Variants in PIP5K1C observed in about 807,000 individuals in gnomAD.
PIP5K1C encodes phosphatidylinositol-4-phosphate 5-kinase type 1 gamma, also known as phosphatidylinositol 4-phosphate 5-kinase type-1 gamma.
PIP5K1C carries 45 observed loss-of-function variants against 80.1 expected under a neutral mutation model. The ratio of observed to expected loss-of-function variants is 0.56; its 90% CI spans 0.44 to 0.72. PIP5K1C has a LOEUF of 0.72. PIP5K1C is among the 30% of genes least tolerant of loss of function. The pLI, the probability that PIP5K1C is intolerant of heterozygous loss-of-function variation, is 0.00. For synonymous variants in PIP5K1C, 498 were observed against 420.1 expected (o/e 1.19, Z -2.27); for missense variants, 753 against 954.6 (o/e 0.79, Z 2.78).
chr19:3,669,546 G>A (rs1457459870), intron 1 of PIP5K1C: 1 of 152,280 alleles, frequency 6.6e-6, no homozygotes, highest in Non-Finnish European at 1.5e-5. Flanking sequence ...TCTGGACCAA[G>A]GCCTTACAAA....
Position 3,671,144 on chromosome 19 carries a change from C to T in PIP5K1C, c.95-3791G>A, listed in dbSNP as rs865832611. ...TCGGGGGCCCGGGCGTCCCCCTGCTCGGCCTGTCTGGGGCCTCCCTGCCCA... is the reference window on the plus strand; with the variant it reads ...TCGGGGGCCCGGGCGTCCCCCTGCTTGGCCTGTCTGGGGCCTCCCTGCCCA... On this transcript the variant is annotated intron_variant, in intron 1 of 17. Coordinates refer to ENST00000335312, the MANE Select transcript of PIP5K1C (RefSeq NM_012398.3). 1.8e-3 allele frequency among the ~76,000 whole-genome samples: 267 copies of T among 152,332 alleles called. 1 individual carries two copies. Among genetic ancestry groups the T allele is most frequent in the African/African-American group, 6.2e-3 (257 of 41,566 alleles).
intron 8 of PIP5K1C, among the ~76,000 whole-genome samples, chr19:3,651,493 C>T (rs561325703): frequency 2.0e-5 from 3 of 152,204 alleles, no homozygotes; most frequent in Non-Finnish European, 4.4e-5. Context: ...CCTCTCTGCA[C>T]GGGTGGCGTG....
At chr19:3,675,266 G>A (rs566532271) in intron 1 of PIP5K1C, among the ~76,000 whole-genome samples, 1 of 152,332 alleles carries the variant, frequency 6.6e-6, no homozygotes, top group South Asian at 2.1e-4. Flanking sequence ...TCCCAGAAAA[G>A]CAAAATGAAG....
intron 16 of PIP5K1C, 23 bp downstream of exon 16, chr19:3,638,861 C>T (rs1162124831): frequency 1.9e-6 from 3 of 1,612,826 alleles, no homozygotes; most frequent in Non-Finnish European, 2.5e-6. Context: ...GAGCCGGCGG[C>T]AGGAGGAGCC....
chr19:3,651,509 C>T (rs2034448184), intron 8 of PIP5K1C, among the ~76,000 whole-genome samples: 1 of 152,220 alleles, frequency 6.6e-6, no homozygotes, highest in Non-Finnish European at 1.5e-5. Context: ...GCGTGTAGAC[C>T]CCTCTGAGTG....
intron 16 of PIP5K1C, chr19:3,636,300 A>G: frequency 6.2e-6 from 5 of 806,084 alleles, no homozygotes; most frequent in Non-Finnish European, 7.5e-6. Context: ...GAACCGGGTG[A>G]CCCCAGGAAG....
chr19:3,686,153 T>C lies in PIP5K1C; in HGVS notation c.94+14144A>G, dbSNP rs150932383. 3.6e-3 allele frequency among the ~76,000 whole-genome samples: 542 copies of C among 152,234 alleles called. 6 individuals are homozygous for C. The highest frequency in any genetic ancestry group is 0.012 in the African/African-American group (515 of 41,528). On this transcript the variant is annotated intron_variant, in intron 1 of 17. Coordinates refer to ENST00000335312, the MANE Select transcript of PIP5K1C (RefSeq NM_012398.3). ...CAGGCGTGAGCCACCGTACTTAGAC[T>C]AAAAGCTAAAAAATTTACTACTCAG...
At chr19:3,639,905 G>C (rs527361079) in intron 15 of PIP5K1C, among the ~76,000 whole-genome samples, 4 of 152,218 alleles carry the variant, frequency 2.6e-5, no homozygotes, top group African/African-American at 9.6e-5. Context: ...ATGGCCACAC[G>C]GTGCATCGTG....
intron 1 of PIP5K1C, among the ~76,000 whole-genome samples, chr19:3,693,421 T>C (rs1454588990): frequency 6.6e-6 from 1 of 152,072 alleles, no homozygotes; most frequent in Non-Finnish European, 1.5e-5. Context: ...GGGAGGCAGG[T>C]GCAGGGGCTC....
In PIP5K1C at chr19:3,630,367, C is replaced by G. The variant is rs1396171229; in HGVS notation, c.*2800G>C. ...CGTCTCGGCGCTTTGGATTGTCACG[C>G]ACCAGACCACGGGGCGGAGGAATGG... On this transcript the variant is annotated 3_prime_UTR_variant, in exon 18 of 18. Coordinates refer to ENST00000335312, the MANE Select transcript of PIP5K1C (RefSeq NM_012398.3). 2 of 152,538 alleles carry G rather than the reference C, an allele frequency of 1.3e-5. No homozygotes were observed. Among genetic ancestry groups the G allele is most frequent in the African/African-American group, 4.8e-5 (2 of 41,426 alleles). The allele number at this position is 152,538 out of a possible 1,614,324, so 9.4% of individuals were successfully genotyped here.
At position 3,684,299 on chromosome 19, in the gene PIP5K1C, G is replaced by A. The variant is rs956894414; in HGVS notation, c.94+15998C>T. On this transcript the variant is annotated intron_variant, in intron 1 of 17. Transcript: ENST00000335312. ...CCTCACCCCACACACATCATCCAGC[G>A]CACAATCTCACAGCACTCACACACA... is the stretch of plus-strand genomic sequence containing the variant. 4.6e-5 allele frequency among the ~76,000 whole-genome samples: 7 copies of A among 152,286 alleles called. No homozygotes were observed. The South Asian group carries it at 6.2e-4, about 14-fold the overall frequency.
intron 1 of PIP5K1C, among the ~76,000 whole-genome samples, chr19:3,679,976 G>A (rs1243461607): frequency 6.6e-6 from 1 of 152,270 alleles, no homozygotes; most frequent in Non-Finnish European, 1.5e-5. Context: ...GGTGGGGTTT[G>A]GGGGATCCCA....
intron 1 of PIP5K1C, among the ~76,000 whole-genome samples, chr19:3,697,513 A>G (rs373052115): frequency 2.1e-3 from 310 of 149,272 alleles, no homozygotes; most frequent in African/African-American, 5.6e-3. Flanking sequence ...AGGGAGGACC[A>G]AGCTGGACCC....
chr19:3,681,698 C>T (rs1311442089), intron 1 of PIP5K1C, among the ~76,000 whole-genome samples: 2 of 152,124 alleles, frequency 1.3e-5, no homozygotes, highest in African/African-American at 4.8e-5. Flanking sequence ...GCTCAGAGGT[C>T]TCTGCTAGTC....
chr19:3,640,575 G>A (rs1238371040), intron 15 of PIP5K1C, among the ~76,000 whole-genome samples: 1 of 152,102 alleles, frequency 6.6e-6, no homozygotes, highest in Non-Finnish European at 1.5e-5. Context: ...GAACTATTGT[G>A]TCCTGTGTTT....
rs558269288 is a variant in PIP5K1C, at chr19:3,671,806, C to T, written c.95-4453G>A. ...ATCCTCGCTCCCCATGAGGCCCGCTCAGGGCACAGAGCCTGCCGTGACCCC... is the reference window on the plus strand; with the variant it reads ...ATCCTCGCTCCCCATGAGGCCCGCTTAGGGCACAGAGCCTGCCGTGACCCC... On this transcript the variant is annotated intron_variant, in intron 1 of 17. Coordinates refer to ENST00000335312, the MANE Select transcript of PIP5K1C (RefSeq NM_012398.3). Among the ~76,000 whole-genome samples, 259 of 152,380 alleles carry T rather than the reference C, an allele frequency of 1.7e-3. 1 individual carries two copies. The highest frequency in any genetic ancestry group is 3.2e-3 in the Non-Finnish European group (217 of 68,034).
At chr19:3,651,666 C>T (rs139837227) in intron 8 of PIP5K1C, among the ~76,000 whole-genome samples, 160 bp downstream of exon 8, 57 of 152,384 alleles carry the variant, frequency 3.7e-4, no homozygotes, top group South Asian at 1.0e-3. Context: ...GGCCTGGCTT[C>T]GCTCTGAGGC....
At chr19:3,656,660 C>A (rs749224654) in intron 5 of PIP5K1C, 103 bp from the exon 6 acceptor site, 22 of 1,287,438 alleles carry the variant, frequency 1.7e-5, no homozygotes, top group Non-Finnish European at 2.2e-5. Flanking sequence ...TGACGGGTCG[C>A]TGCATTTTAC....
At position 3,646,037 on chromosome 19, in the gene PIP5K1C, G is replaced by A; in HGVS notation, c.1282C>T (p.Pro428Ser). 1 of 1,613,058 alleles carries A rather than the reference G, an allele frequency of 6.2e-7. No individual in the cohort carries two copies. The highest frequency in any genetic ancestry group is 1.7e-5 in the Admixed American group (1 of 60,016). ...HDGDTVSVHR[P>S]SFYAERFFKF... ...AAAAAGCGCTCGGCATAGAAGCTGG[G>A]GCGGTGGACGGACACCGTGTCCTGG... Residue 428 changes from proline (P) to serine (S), a missense_variant, in exon 11 of 18, where the codon CCC becomes TCC. Pro to Ser is a moderately conservative substitution (Grantham distance 74). Transcript: ENST00000335312.
Sources: allele counts gnomAD v4.1 joint callset (sites outside exome capture counted in the v4.1 genomes callset), GRCh38; gene constraint gnomAD v4.1.1; transcripts MANE v1.5; gene names NCBI Gene and HGNC (gene_info 2026-07-23, HGNC 2026-07-21).